The following UNC80 variants were observed in gnomAD, a reference collection of about 807,000 sequenced individuals.
UNC80 encodes the protein unc-80 subunit of NALCN channel complex.
In UNC80, 164 loss-of-function variants were observed where a neutral mutation model predicts 384.6. The ratio of observed to expected loss-of-function variants is 0.43; its 90% confidence interval spans 0.38 to 0.49. UNC80 has a LOEUF of 0.49. Among genes scored for constraint, UNC80 ranks in the 20% least tolerant of loss-of-function variants. The pLI, the probability that UNC80 is intolerant of heterozygous loss-of-function variation, is 0.00. For missense variants in UNC80, 3,330 were observed against 4,143.0 expected (o/e 0.80, Z 5.39); for synonymous variants, 1,486 against 1,527.8 (o/e 0.97, Z 0.64).
intron 39 of UNC80, among the ~76,000 whole-genome samples, 175 bp from the exon 40 acceptor site, chr2:209,935,539 T>C (rs1271348802): frequency 1.3e-5 from 2 of 151,888 alleles, no homozygotes; most frequent in African/African-American, 2.4e-5. Flanking sequence ...AATATATGTA[T>C]ATTAATCTTA....
At chr2:209,809,762 G>C (rs1217526480) in intron 7 of UNC80, among the ~76,000 whole-genome samples, 1 of 152,194 alleles carries the variant, frequency 6.6e-6, no homozygotes, top group Non-Finnish European at 1.5e-5. Flanking sequence ...TTCCGGTTCT[G>C]TTTCCTCTGC....
chr2:209,916,965 G>T (rs2089594792), intron 31 of UNC80, among the ~76,000 whole-genome samples: 1 of 152,192 alleles, frequency 6.6e-6, no homozygotes, highest in East Asian at 1.9e-4. Context: ...AGGTTCACCA[G>T]TAAAGAAAAT....
chr2:209,941,501 C>T lies in UNC80; in HGVS notation c.6915+12C>T. 1 of 1,521,978 alleles carries T rather than the reference C, an allele frequency of 6.6e-7. No homozygotes were observed. Among genetic ancestry groups the T allele is most frequent in the Non-Finnish European group, 8.9e-7 (1 of 1,124,946 alleles). The allele number at this position is 1,521,978 out of a possible 1,614,324, so 94.3% of individuals were successfully genotyped here. ...CCACCATGCTGCAGGTGCCCAGAAC[C>T]TCCTCTCCCAACCAGAAAATTAACA... is the stretch of plus-strand genomic sequence containing the variant. On this transcript the variant is annotated intron_variant, in intron 44 of 64. Coordinates refer to ENST00000673920, the MANE Select transcript of UNC80 (RefSeq NM_001371986.1).
chr2:209,936,958 C>T lies in UNC80; in HGVS notation c.6363+25C>T, dbSNP rs773280033. 1.6e-5 allele frequency: 24 copies of T among 1,473,464 alleles called. No individual in the cohort carries two copies. In the South Asian group the frequency reaches 1.9e-4, roughly 12 times the overall value. 91.3% of individuals were successfully genotyped at this position (1,473,464 alleles called of 1,614,324 possible). On this transcript the variant is annotated intron_variant, in intron 41 of 64. Transcript: ENST00000673920. ...GGTGAGACACCAGTAGTGACATCCC[C>T]GTTGAGTTGTGCCAAAGGCTTATCA...
intron 22 of UNC80, among the ~76,000 whole-genome samples, chr2:209,852,023 G>A (rs2082568945): frequency 6.6e-6 from 1 of 152,086 alleles, no homozygotes; most frequent in Admixed American, 6.6e-5. Flanking sequence ...GAAAATGAAG[G>A]AGCGCTGGAG....
intron 8 of UNC80, among the ~76,000 whole-genome samples, chr2:209,814,046 C>T (rs2079551965): frequency 6.6e-6 from 1 of 152,196 alleles, no homozygotes; most frequent in African/African-American, 2.4e-5. Context: ...AAGTGCACCT[C>T]TTGCACATGC....
chr2:209,814,203 G>T lies in UNC80; in HGVS notation c.1200+362G>T, dbSNP rs886745690. Reference sequence around the variant, plus strand: ...TGTAACATAGGATTTTACTAAACGTGATGTAACCTCTTTTGCATAACTCAA... The same window carrying T: ...TGTAACATAGGATTTTACTAAACGTTATGTAACCTCTTTTGCATAACTCAA... On this transcript the variant is annotated intron_variant, in intron 8 of 64. Coordinates refer to ENST00000673920, the MANE Select transcript of UNC80 (RefSeq NM_001371986.1). Among the ~76,000 whole-genome samples, 20 of 151,654 alleles carry T rather than the reference G, an allele frequency of 1.3e-4. No individual in the cohort carries two copies. The East Asian group carries it at 3.9e-3, about 29-fold the overall frequency.
chr2:209,976,561 T>A lies in UNC80; in HGVS notation c.8772+258T>A, dbSNP rs1008197537. On this transcript the variant is annotated intron_variant, in intron 57 of 64. Coordinates refer to ENST00000673920, the MANE Select transcript of UNC80 (RefSeq NM_001371986.1). This position sits in a 1 kb window ranked among gnomAD's most constrained non-coding sequence, Gnocchi z 4.3. The stretch of plus-strand genomic sequence containing the variant: ...CCGCTCCCTACTAATCATCCCCCAC[T>A]CTACCCACCCAAAAGATTGGTCCAG... 6.6e-6 allele frequency among the ~76,000 whole-genome samples: 1 copy of A among 152,160 alleles called. No individual in the cohort carries two copies. The highest frequency in any genetic ancestry group is 1.5e-5 in the Non-Finnish European group (1 of 68,018).
rs2084358348 is a variant in UNC80 at position 209,872,140 on chromosome 2, C to T, written c.3628-618C>T. On this transcript the variant is annotated intron_variant, in intron 22 of 64. Transcript: ENST00000673920. This position sits in a 1 kb window ranked among gnomAD's most constrained non-coding sequence, Gnocchi z 4.1. Reference sequence around the variant, plus strand: ...CTGAGTAGCTGGGACTACAAGCACGCTCCACCATGCCTGACTAATTTTTTG... The same window carrying T: ...CTGAGTAGCTGGGACTACAAGCACGTTCCACCATGCCTGACTAATTTTTTG... 6.6e-6 allele frequency among the ~76,000 whole-genome samples: 1 copy of T among 152,078 alleles called. No individual in the cohort carries two copies. Among genetic ancestry groups the T allele is most frequent in the African/African-American group, 2.4e-5 (1 of 41,404 alleles).
chr2:209,972,052 A>T, intron 54 of UNC80, 149 bp from the exon 55 acceptor site: 1 of 859,258 alleles, frequency 1.2e-6, no homozygotes, highest in Non-Finnish European at 1.7e-6. Flanking sequence ...GTTTTGAGTG[A>T]AGCTTGTATG....
intron 38 of UNC80, among the ~76,000 whole-genome samples, chr2:209,932,726 G>A (rs1390416518): frequency 6.6e-6 from 1 of 152,198 alleles, no homozygotes; most frequent in Non-Finnish European, 1.5e-5. Flanking sequence ...ACACAAGGAA[G>A]ACCCAACCCA....
chr2:209,934,333 G>T (rs185092407), intron 39 of UNC80, among the ~76,000 whole-genome samples: 27 of 152,262 alleles, frequency 1.8e-4, no homozygotes, highest in African/African-American at 4.8e-4. Flanking sequence ...TTTTGGCAGT[G>T]CAAGAATAAT....
chr2:209,845,656 G>T (rs1484254710), intron 21 of UNC80, among the ~76,000 whole-genome samples: 2 of 152,116 alleles, frequency 1.3e-5, no homozygotes, highest in Non-Finnish European at 2.9e-5. Context: ...CATAATATTT[G>T]AGATTGTTAT....
Position 209,959,094 on chromosome 2 carries a change from T to C in UNC80, c.7551-25T>C, listed in dbSNP as rs902277691. 5 of 1,551,046 alleles carry C rather than the reference T, an allele frequency of 3.2e-6. No individual in the cohort carries two copies. In the African/African-American group the frequency reaches 4.1e-5, roughly 13 times the overall value. On this transcript the variant is annotated intron_variant, in intron 49 of 64. Coordinates refer to ENST00000673920, the MANE Select transcript of UNC80 (RefSeq NM_001371986.1). ...GACCCCGTTCTTGCTCTAATAGTTA[T>C]GTAGACTGTTTTTCTGACTCCCAGG...
chr2:209,858,898 A>T, intron 22 of UNC80, among the ~76,000 whole-genome samples: 1 of 151,650 alleles, frequency 6.6e-6, no homozygotes, highest in African/African-American at 2.4e-5. Context: ...TTTCAATTTC[A>T]TGCCTCCTTT....
At chr2:209,780,120 G>T (rs535586817) in intron 4 of UNC80, among the ~76,000 whole-genome samples, 3 of 152,306 alleles carry the variant, frequency 2.0e-5, no homozygotes, top group African/African-American at 7.2e-5. Context: ...TTTTATTGCT[G>T]CTGGTATTAT....
At chr2:209,850,651 C>T (rs2082461836) in intron 22 of UNC80, among the ~76,000 whole-genome samples, 1 of 152,104 alleles carries the variant, frequency 6.6e-6, no homozygotes, top group Admixed American at 6.6e-5. Context: ...AAAATGATTG[C>T]TTTCCGTTAT....
rs1199537289 is a variant in UNC80, at chr2:209,970,832, G to T, written c.8131G>T (p.Val2711Leu). The T allele has an allele frequency of 6.4e-7, 1 of 1,551,356 alleles. No homozygotes were observed. Among genetic ancestry groups the T allele is most frequent in the Non-Finnish European group, 8.7e-7 (1 of 1,146,842 alleles). ...RSLINVCVNL[V>L]MGVVGPSSVA... ...GTCATGTGCTCTGTTTGTATTTCAGGTGATGGGAGTGGTAGGACCTTCCAG... is the reference window on the plus strand; with the variant it reads ...GTCATGTGCTCTGTTTGTATTTCAGTTGATGGGAGTGGTAGGACCTTCCAG... The change falls in exon 54 of 65, where the codon GTG (valine) becomes TTG (leucine). Residue 2711 changes from valine to leucine, a missense_variant and splice_region_variant. Coordinates refer to ENST00000673920, the MANE Select transcript of UNC80 (RefSeq NM_001371986.1).
chr2:209,840,361 G>A (rs1559177756), intron 19 of UNC80, among the ~76,000 whole-genome samples, 181 bp from the exon 20 acceptor site: 1 of 152,198 alleles, frequency 6.6e-6, no homozygotes, highest in Non-Finnish European at 1.5e-5. Context: ...ACATGCTTAT[G>A]CAATTTTATA....
Sources: gnomAD v4.1 joint callset for allele counts (sites outside exome capture counted in the v4.1 genomes callset) on GRCh38, gnomAD v4.1.1 for gene constraint, Gnocchi (gnomAD v3.1) non-coding constraint, MANE v1.5 for transcripts, NCBI Gene and HGNC (gene_info 2026-07-23, HGNC 2026-07-21) for gene names.